The following ZNF804B variants were observed in gnomAD, a reference collection of about 807,000 sequenced individuals.
The protein encoded by ZNF804B is zinc finger protein 804B.
Under a neutral mutation model 101.4 loss-of-function variants are expected in ZNF804B, and 80 were observed. The ratio of observed to expected loss-of-function variants is 0.79; its 90% confidence interval spans 0.66 to 0.95. ZNF804B has a LOEUF of 0.95. Among genes scored for constraint, ZNF804B ranks in the 40% least tolerant of loss-of-function variants. ZNF804B has a pLI of 0.00. For missense variants in ZNF804B, 1,673 were observed against 1,561.9 expected (o/e 1.07, Z -1.20); for synonymous variants, 622 against 558.8 (o/e 1.11, Z -1.59).
At chr7:89,159,365 C>A (rs185843273) in intron 1 of ZNF804B, among the ~76,000 whole-genome samples, 1 of 151,852 alleles carries the variant, frequency 6.6e-6, no homozygotes, top group South Asian at 2.1e-4. Context: ...GTGAATTGAG[C>A]AAGGGCTTTA....
chr7:88,922,753 T>G (rs1792737324), intron 1 of ZNF804B, among the ~76,000 whole-genome samples: 1 of 152,036 alleles, frequency 6.6e-6, no homozygotes, highest in African/African-American at 2.4e-5. Context: ...TTCATAATAG[T>G]AATTTATGAA....
At chr7:88,809,327 CTATCTATCTATCTATCTATCTAT>C in intron 1 of ZNF804B, among the ~76,000 whole-genome samples, 1 of 127,926 alleles carries the variant, frequency 7.8e-6, no homozygotes, top group Non-Finnish European at 1.7e-5. Flanking sequence ...ATCTATCTAT[CTATCTATCTATCTATCTATCTAT>C]CTATCTACCT....
At chr7:88,872,568 A>G (rs941911326) in intron 1 of ZNF804B, among the ~76,000 whole-genome samples, 3 of 152,068 alleles carry the variant, frequency 2.0e-5, no homozygotes, top group African/African-American at 7.2e-5. Context: ...CACTGCACCC[A>G]TTAACTCGTC....
chr7:89,117,660 T>C (rs1168243689), intron 1 of ZNF804B, among the ~76,000 whole-genome samples: 1 of 152,192 alleles, frequency 6.6e-6, no homozygotes, highest in African/African-American at 2.4e-5. Flanking sequence ...GATGCTATAT[T>C]GACTAAATTG....
At chr7:89,059,665 A>G (rs566403482) in intron 1 of ZNF804B, among the ~76,000 whole-genome samples, 16 of 152,154 alleles carry the variant, frequency 1.1e-4, no homozygotes, top group Non-Finnish European at 2.9e-5. Context: ...TATTGTTTTT[A>G]TTTGGAAATA....
rs1793493318 is a variant in ZNF804B at position 88,968,816 on chromosome 7, A to G, written c.108+208732A>G. ...ACTGTGCTACCTCAGGTAGTTCACA[A>G]TATACTGTGTACATCCTTAATCCAT... On this transcript the variant is annotated intron_variant, in intron 1 of 3. Coordinates refer to ENST00000333190, the MANE Select transcript of ZNF804B (RefSeq NM_181646.5). 2.0e-5 allele frequency among the ~76,000 whole-genome samples: 3 copies of G among 151,650 alleles called. No homozygotes were observed. The South Asian group carries it at 6.2e-4, about 31-fold the overall frequency.
At chr7:89,277,501 A>G (rs1208857) in intron 2 of ZNF804B, among the ~76,000 whole-genome samples, 1 of 26,010 alleles carries the variant, frequency 3.8e-5, no homozygotes, top group African/African-American at 1.7e-4. Flanking sequence ...CCTCCCCCCT[A>G]CCCCCACCCC....
chr7:88,798,475 C>T (rs1385964302), intron 1 of ZNF804B, among the ~76,000 whole-genome samples: 1 of 152,066 alleles, frequency 6.6e-6, no homozygotes, highest in Non-Finnish European at 1.5e-5. Context: ...TTGCATGGTT[C>T]AAACTAATAC....
rs115884214 is a variant in ZNF804B, at chr7:89,331,357, T to C, written c.381-2006T>C. ...AGTCTCTACGCTCCTTATTTACTTT[T>C]ATGCTTGAAAGAAACATTCAGTAAC... On this transcript the variant is annotated intron_variant, in intron 3 of 3. Transcript: ENST00000333190. 4.9e-3 allele frequency among the ~76,000 whole-genome samples: 739 copies of C among 151,870 alleles called. 8 individuals carry two copies. Among genetic ancestry groups the C allele is most frequent in the African/African-American group, 0.017 (704 of 41,522 alleles).
At chr7:89,156,066 T>TTCTCTCTTTCTC (rs1471038048) in intron 1 of ZNF804B, among the ~76,000 whole-genome samples, 3 of 66,456 alleles carry the variant, frequency 4.5e-5, no homozygotes, top group African/African-American at 1.5e-4. Flanking sequence ...CTTTCTTTCT[T>TTCTCTCTTTCTC]TCTTTCTCTC....
chr7:88,776,590 ATTGAG>A (rs1790145502), intron 1 of ZNF804B, among the ~76,000 whole-genome samples: 1 of 142,846 alleles, frequency 7.0e-6, no homozygotes, highest in East Asian at 2.0e-4. Flanking sequence ...TTCAGAGCAA[ATTGAG>A]TTAAGTAGAC....
chr7:88,815,425 G>A (rs7789560), intron 1 of ZNF804B, among the ~76,000 whole-genome samples: 57,031 of 148,854 alleles, frequency 0.38, 11,332 homozygotes, highest in East Asian at 0.52. Context: ...GTGTGAGGCT[G>A]TGTTATTATT....
At chr7:89,018,507 T>A (rs986463282) in intron 1 of ZNF804B, among the ~76,000 whole-genome samples, 7 of 152,026 alleles carry the variant, frequency 4.6e-5, no homozygotes, top group Admixed American at 2.6e-4. Context: ...CCTTATTGGA[T>A]TTTGGTATCA....
In ZNF804B at chr7:89,296,076, A is replaced by G. The variant is rs981975111; in HGVS notation, c.250-31268A>G. On this transcript the variant is annotated intron_variant, in intron 2 of 3. Coordinates refer to ENST00000333190, the MANE Select transcript of ZNF804B (RefSeq NM_181646.5). ...GCACTACTTGGGTGATAGGTACACTAAAATGTCAGAATTCATCACTATATA... is the reference window on the plus strand; with the variant it reads ...GCACTACTTGGGTGATAGGTACACTGAAATGTCAGAATTCATCACTATATA... Among the ~76,000 whole-genome samples the G allele has an allele frequency of 2.0e-5, 3 of 152,164 alleles. No individual in the cohort carries two copies. In the East Asian group the frequency reaches 5.8e-4, roughly 29 times the overall value.
chr7:88,760,984 A>T (rs1789887691), intron 1 of ZNF804B, among the ~76,000 whole-genome samples: 1 of 149,340 alleles, frequency 6.7e-6, no homozygotes, highest in South Asian at 2.1e-4. Flanking sequence ...CCAAACTTAA[A>T]GACCAACTTT....
chr7:88,774,043 G>A (rs1292917504), intron 1 of ZNF804B, among the ~76,000 whole-genome samples: 1 of 151,782 alleles, frequency 6.6e-6, no homozygotes, highest in African/African-American at 2.4e-5. Context: ...GTGAGGTAAG[G>A]GGCATCTGAA....
intron 1 of ZNF804B, among the ~76,000 whole-genome samples, chr7:89,005,147 T>C (rs1282170154): frequency 6.6e-6 from 1 of 152,004 alleles, no homozygotes; most frequent in Non-Finnish European, 1.5e-5. Context: ...CACAAAACTG[T>C]TCCAAAGCTA....
At chr7:89,048,046 C>T (rs1285476982) in intron 1 of ZNF804B, among the ~76,000 whole-genome samples, 1 of 152,070 alleles carries the variant, frequency 6.6e-6, no homozygotes, top group Non-Finnish European at 1.5e-5. Flanking sequence ...GCACACATCA[C>T]CTGAGAAGCA....
At chr7:89,098,679 C>A (rs1370541593) in intron 1 of ZNF804B, among the ~76,000 whole-genome samples, 1 of 152,102 alleles carries the variant, frequency 6.6e-6, no homozygotes, top group African/African-American at 2.4e-5. Flanking sequence ...ACTTTGGATT[C>A]AAATTTCATT....
Sources: gnomAD v4.1 joint callset for allele counts (sites outside exome capture counted in the v4.1 genomes callset) on GRCh38, gnomAD v4.1.1 for gene constraint, MANE v1.5 for transcripts, NCBI Gene and HGNC (gene_info 2026-07-23, HGNC 2026-07-21) for gene names.